The following CCDC137 variants were observed in gnomAD, a reference collection of about 807,000 sequenced individuals.
CCDC137 encodes coiled-coil domain containing 137.
CCDC137 carries 24 observed loss-of-function variants against 30.4 expected under a neutral mutation model. The observed-to-expected ratio is 0.79, with a 90% CI of 0.57 to 1.11. The LOEUF (loss-of-function observed/expected upper bound fraction) is 1.11. Ranked by LOEUF, CCDC137 falls within the 50% of genes least tolerant of loss-of-function variation. The pLI is 0.00. For synonymous variants in CCDC137, 182 were observed against 155.7 expected (o/e 1.17, Z -1.26); for missense variants, 417 against 380.4 (o/e 1.10, Z -0.80).
At position 81,671,747 on chromosome 17, in the gene CCDC137, C is replaced by A. The variant is rs1182738480; in HGVS notation, c.501C>A (p.Phe167Leu). 1 of 1,611,914 alleles carries A rather than the reference C, an allele frequency of 6.2e-7. No homozygotes were observed. The highest frequency in any genetic ancestry group is 1.3e-5 in the African/African-American group (1 of 74,160). Residue 167 changes from phenylalanine (F) to leucine (L), a missense_variant, in exon 4 of 6, where the codon TTC becomes TTA. Coordinates refer to ENST00000329214, the MANE Select transcript of CCDC137 (RefSeq NM_199287.3). ...KSEQKKAKKA[F>L]QKRRLDKVRR... is the part of the protein sequence containing the mutation. The stretch of plus-strand genomic sequence containing the variant: ...TGACATGTGCTTTCTTCCCCAGGTT[C>A]CAGAAGCGGCGACTAGATAAAGTCC...
At position 81,670,360 on chromosome 17, in the gene CCDC137, A is replaced by G; in HGVS notation, c.404A>G (p.His135Arg). 2.5e-6 allele frequency: 4 copies of G among 1,613,972 alleles called. No homozygotes were observed. The highest frequency in any genetic ancestry group is 3.4e-6 in the Non-Finnish European group (4 of 1,179,998). ...YIHRMQQEAQ[H>R]VLFLSKNQAI... Reference sequence around the variant, plus strand: ...CACCGCATGCAGCAAGAGGCCCAGCATGTGCTGTTCCTCAGCAAGAACCAG... The same window carrying G: ...CACCGCATGCAGCAAGAGGCCCAGCGTGTGCTGTTCCTCAGCAAGAACCAG... The change falls in exon 3 of 6, where the codon CAT (histidine) becomes CGT (arginine). Residue 135 changes from histidine (H) to arginine (R), a missense_variant. Coordinates refer to ENST00000329214, the MANE Select transcript of CCDC137 (RefSeq NM_199287.3).
chr17:81,671,557 C>T, intron 3 of CCDC137, 187 bp from the exon 4 acceptor site: 1 of 596,674 alleles, frequency 1.7e-6, no homozygotes, highest in Non-Finnish European at 3.0e-6. Flanking sequence ...CTGTTGGGGT[C>T]AGAGCCTTCT....
intron 2 of CCDC137, among the ~76,000 whole-genome samples, chr17:81,668,165 A>G (rs1182108360): frequency 6.6e-6 from 1 of 152,154 alleles, no homozygotes; most frequent in Non-Finnish European, 1.5e-5. Context: ...AGTTTTTAGC[A>G]GGGCACGGCC....
At chr17:81,668,658 G>A (rs956424865) in intron 2 of CCDC137, among the ~76,000 whole-genome samples, 7 of 152,294 alleles carry the variant, frequency 4.6e-5, no homozygotes, top group African/African-American at 1.2e-4. Context: ...CACATGGCAC[G>A]TTCTGAACCG....
chr17:81,671,561 G>A, intron 3 of CCDC137, 183 bp from the exon 4 acceptor site: 1 of 601,010 alleles, frequency 1.7e-6, no homozygotes, highest in South Asian at 1.9e-5. Context: ...TGGGGTCAGA[G>A]CCTTCTTTGG....
chr17:81,670,347 C>G lies in CCDC137; in HGVS notation c.391C>G (p.Gln131Glu). ...CGGGGCCTATATCCACCGCATGCAG[C>G]AAGAGGCCCAGCATGTGCTGTTCCT... ...SDGAYIHRMQ[Q>E]EAQHVLFLSK... Residue 131 changes from glutamine to glutamate, a missense_variant, in exon 3 of 6, where the codon CAA becomes GAA. Coordinates refer to ENST00000329214, the MANE Select transcript of CCDC137 (RefSeq NM_199287.3). The G allele has an allele frequency of 6.2e-7, 1 of 1,613,968 alleles. No individual in the cohort carries two copies. Among genetic ancestry groups the G allele is most frequent in the Non-Finnish European group, 8.5e-7 (1 of 1,180,022 alleles).
chr17:81,670,753 G>A (rs1268300315), intron 3 of CCDC137, among the ~76,000 whole-genome samples: 4 of 152,188 alleles, frequency 2.6e-5, no homozygotes, highest in South Asian at 2.1e-4. Flanking sequence ...TGAGGGGGTC[G>A]GTCTGAGGGT....
At chr17:81,670,110 G>A in intron 2 of CCDC137, 115 bp from the exon 3 acceptor site, 1 of 774,142 alleles carries the variant, frequency 1.3e-6, no homozygotes, top group Non-Finnish European at 2.1e-6. Context: ...TCGTTGGGGT[G>A]CTTCCAGCCA....
intron 1 of CCDC137, 29 bp from the exon 2 acceptor site, chr17:81,667,700 G>C (rs1338817838): frequency 6.2e-7 from 1 of 1,611,612 alleles, no homozygotes; most frequent in Admixed American, 1.7e-5. Flanking sequence ...TACTTGGGAC[G>C]GGTCTCACCC....
Position 81,672,565 on chromosome 17 carries a change from C to A in CCDC137, c.731C>A (p.Ser244Tyr). The A allele has an allele frequency of 3.8e-6, 6 of 1,575,418 alleles. No individual in the cohort carries two copies. Among genetic ancestry groups the A allele is most frequent in the Non-Finnish European group, 5.2e-6 (6 of 1,160,760 alleles). ...PGGVSQPLTA[S>Y]LARQRIVEEE... The stretch of plus-strand genomic sequence containing the variant: ...GGTGTGTCCCAGCCTCTGACCGCCT[C>A]CCTGGCCCGCCAGCGGATTGTGGAG... Residue 244 changes from serine to tyrosine, a missense_variant, in exon 6 of 6, where the codon TCC becomes TAC. Ser to Tyr is a moderately radical substitution (Grantham distance 144). Coordinates refer to ENST00000329214, the MANE Select transcript of CCDC137 (RefSeq NM_199287.3).
chr17:81,670,808 G>A (rs1409545481), intron 3 of CCDC137, among the ~76,000 whole-genome samples: 1 of 152,110 alleles, frequency 6.6e-6, no homozygotes, highest in African/African-American at 2.4e-5. Context: ...AATGTCTCTC[G>A]TCCAAGAGAC....
chr17:81,667,548 C>T lies in CCDC137; in HGVS notation c.135-181C>T, dbSNP rs573739271. The stretch of plus-strand genomic sequence containing the variant: ...TTCACTGTGTTAGTCAGGATGGTCT[C>T]GATCTCCTGACCTCGTGATCCGCCC... On this transcript the variant is annotated intron_variant, in intron 1 of 5. Transcript: ENST00000329214. Among the ~76,000 whole-genome samples the T allele has an allele frequency of 5.8e-3, 876 of 152,124 alleles. 6 individuals carry two copies. In the Middle Eastern group the frequency reaches 0.065, roughly 11 times the overall value.
Position 81,673,050 on chromosome 17 carries a change from G to A in CCDC137, c.*346G>A. On this transcript the variant is annotated 3_prime_UTR_variant, in exon 6 of 6. Transcript: ENST00000329214. ...AGACAGCTGATGAGGCTGGCTCAGT[G>A]TGTGACGGAGGCCCCCGGGAGTCAG... The A allele has an allele frequency of 2.9e-6, 1 of 347,926 alleles. No homozygotes were observed. The highest frequency in any genetic ancestry group is 5.4e-6 in the Non-Finnish European group (1 of 186,414). The allele number at this position is 347,926 out of a possible 1,614,324, so 21.6% of individuals were successfully genotyped here.
At chr17:81,669,925 G>T (rs980205990) in intron 2 of CCDC137, 7 of 377,870 alleles carry the variant, frequency 1.9e-5, no homozygotes, top group Admixed American at 8.6e-5. Flanking sequence ...AATGGAGTCT[G>T]TGGGTGATCA....
In CCDC137 at chr17:81,672,851, A is replaced by G. The variant is rs2036738448; in HGVS notation, c.*147A>G. The G allele has an allele frequency of 4.0e-6, 3 of 751,692 alleles. No homozygotes were observed. The South Asian group carries it at 5.6e-5, about 14-fold the overall frequency. The allele number at this position is 751,692 out of a possible 1,614,324, so 46.6% of individuals were successfully genotyped here. On this transcript the variant is annotated 3_prime_UTR_variant, in exon 6 of 6. Coordinates refer to ENST00000329214, the MANE Select transcript of CCDC137 (RefSeq NM_199287.3). ...ACACGTTGGGCACTAGTGGGTCCAC[A>G]TCTTGCAGGGGGTGAGTGCCCGATG...
intron 4 of CCDC137, 68 bp from the exon 5 acceptor site, chr17:81,672,008 G>T: frequency 6.4e-7 from 1 of 1,565,038 alleles, no homozygotes; most frequent in East Asian, 2.2e-5. Flanking sequence ...GTGGGCGGGT[G>T]GTGGCTCTGG....
Position 81,666,772 on chromosome 17 carries a change from G to T in CCDC137, c.6G>T (p.Ala2=), listed in dbSNP as rs765179528. 6 of 1,469,572 alleles carry T rather than the reference G, an allele frequency of 4.1e-6. No individual in the cohort carries two copies. The highest frequency in any genetic ancestry group is 3.6e-6 in the Non-Finnish European group (4 of 1,115,382). 91.0% of individuals were successfully genotyped at this position (1,469,572 alleles called of 1,614,324 possible). The part of the protein sequence containing the change: M[A]GAGRGAAVSR... ...GGGAGCCTCCCGGCGTGGAGATGGC[G>T]GGAGCTGGTCGCGGAGCAGCGGTGT... is the stretch of plus-strand genomic sequence containing the variant. The change falls in exon 1 of 6, where the codon GCG becomes GCT. Residue 2 remains alanine, a synonymous_variant. Coordinates refer to ENST00000329214, the MANE Select transcript of CCDC137 (RefSeq NM_199287.3).
intron 3 of CCDC137, among the ~76,000 whole-genome samples, chr17:81,671,107 G>T (rs1180693371): frequency 6.6e-6 from 1 of 151,540 alleles, no homozygotes; most frequent in Non-Finnish European, 1.5e-5. Context: ...ACTCCAGCCT[G>T]GTGACAGAGC....
At position 81,672,487 on chromosome 17, in the gene CCDC137, T is replaced by C. The variant is rs2036730785; in HGVS notation, c.661-8T>C. On this transcript the variant is annotated splice_region_variant and splice_polypyrimidine_tract_variant and intron_variant, in intron 5 of 5. Transcript: ENST00000329214. ...AGCCTGTGCCTCACCCTCCCCTCTC[T>C]CCCTCAGCCTGGCAGGAGATCGCAG... is the stretch of plus-strand genomic sequence containing the variant. 1.3e-6 allele frequency: 2 copies of C among 1,552,092 alleles called. No homozygotes were observed. Among genetic ancestry groups the C allele is most frequent in the East Asian group, 2.4e-5 (1 of 41,210 alleles).
Sources: gnomAD v4.1 joint callset for allele counts (sites outside exome capture counted in the v4.1 genomes callset) on GRCh38, gnomAD v4.1.1 for gene constraint, MANE v1.5 for transcripts, NCBI Gene and HGNC (gene_info 2026-07-23, HGNC 2026-07-21) for gene names.